Variants in GRIN2C observed in about 807,000 individuals in gnomAD.
GRIN2C encodes glutamate receptor ionotropic, NMDA 2C.
In GRIN2C, 64 loss-of-function variants were observed where a neutral mutation model predicts 77.7. The observed-to-expected ratio is 0.82, with a 90% CI of 0.67 to 1.01. GRIN2C has a LOEUF of 1.01. Among genes scored for constraint, GRIN2C ranks in the 50% least tolerant of loss-of-function variants. The probability of loss-of-function intolerance (pLI) is 0.00; values close to 1 mark genes in which losing one functional copy is unlikely to be tolerated. For missense variants in GRIN2C, 1,549 were observed against 1,486.0 expected (o/e 1.04, Z -0.70); for synonymous variants, 792 against 643.4 (o/e 1.23, Z -3.49).
At position 74,849,546 on chromosome 17, in the gene GRIN2C, G is replaced by C. The variant is rs552112330; in HGVS notation, c.1645+234C>G. On this transcript the variant is annotated intron_variant, in intron 7 of 12. Coordinates refer to ENST00000293190, the MANE Select transcript of GRIN2C (RefSeq NM_000835.6). This position sits in a 1 kb window ranked among gnomAD's most constrained non-coding sequence, Gnocchi z 4.6. Reference sequence around the variant, plus strand: ...TTCCTGCCACTCACAGTGGCACCACGACCCATCCCACACCCCCAACCCCAC... The same window carrying C: ...TTCCTGCCACTCACAGTGGCACCACCACCCATCCCACACCCCCAACCCCAC... 8.5e-5 allele frequency among the ~76,000 whole-genome samples: 13 copies of C among 152,124 alleles called. No individual in the cohort carries two copies. Among genetic ancestry groups the C allele is most frequent in the Non-Finnish European group, 1.5e-4 (10 of 67,980 alleles).
At position 74,844,484 on chromosome 17, in the gene GRIN2C, A is replaced by G. The variant is rs1172157704; in HGVS notation, c.2375T>C (p.Val792Ala). 6.2e-7 allele frequency: 1 copy of G among 1,614,040 alleles called. No homozygotes were observed. The highest frequency in any genetic ancestry group is 1.7e-5 in the Admixed American group (1 of 60,010). ...GDGETQKLETVWLSGICQNEK... is the reference protein window; with the variant it reads ...GDGETQKLETAWLSGICQNEK... ...ATTCTGGCAGATCCCTGAGAGCCAC[A>G]CTGTCTCCAGTTTCTGTGTCTCTCC... Residue 792 changes from valine to alanine, a missense_variant, in exon 12 of 13, where the codon GTG becomes GCG. Physicochemically the swap from Val to Ala is moderately conservative, Grantham distance 64. Around this residue, in one of 3 missense-constraint regions of GRIN2C, gnomAD observed 717 missense variants for 858.1 expected, o/e 0.84. Transcript: ENST00000293190.
At position 74,842,790 on chromosome 17, in the gene GRIN2C, CGCCTGCAGGCCGAGT is replaced by C. The variant is rs1460149608; in HGVS notation, c.3332_3346del (p.His1111_Arg1115del). 2 of 635,696 alleles carry C rather than the reference CGCCTGCAGGCCGAGT, an allele frequency of 3.1e-6. No homozygotes were observed. The allele number at this position is 635,696 out of a possible 1,614,324, so 39.4% of individuals were successfully genotyped here. A position where few individuals can be genotyped will look rare whatever the true frequency, so the allele number is the denominator to read the frequency against. On this transcript the variant is annotated inframe_deletion, in exon 13 of 13. Coordinates refer to ENST00000293190, the MANE Select transcript of GRIN2C (RefSeq NM_000835.6). ...GCACATCGACTGCGCCTGCGCCAAG[CGCCTGCAGGCCGAGT>C]GGCCGTCGGGGCGGGCGCAGGCGGG...
chr17:74,848,566 G>A (rs56188738), intron 7 of GRIN2C, among the ~76,000 whole-genome samples: 40,988 of 151,988 alleles, frequency 0.27, 5,715 homozygotes, highest in East Asian at 0.41. Context: ...CAGGCATGGT[G>A]ACACATGCCT....
intron 2 of GRIN2C, 61 bp downstream of exon 2, chr17:74,854,633 C>G (rs780081170): frequency 1.6e-5 from 23 of 1,463,432 alleles, no homozygotes; most frequent in East Asian, 2.3e-5. Flanking sequence ...AACCAAAGCA[C>G]CCCCGACCCC....
rs182747454 is a variant in GRIN2C at position 74,859,815 on chromosome 17, C to A, written c.-87G>T. The A allele has an allele frequency of 6.5e-6, 1 of 153,222 alleles. No homozygotes were observed. The highest frequency in any genetic ancestry group is 1.5e-5 in the Non-Finnish European group (1 of 68,298). The allele number at this position is 153,222 out of a possible 1,614,324, so 9.5% of individuals were successfully genotyped here. A position where few individuals can be genotyped will look rare whatever the true frequency, so the allele number is the denominator to read the frequency against. On this transcript the variant is annotated 5_prime_UTR_variant, in exon 1 of 13. Transcript: ENST00000293190. The surrounding 1 kb of genome is among the most constrained non-coding windows in gnomAD (Gnocchi z 5.9). ...TTCATAGGGAACGTGGCATCAGGCT[C>A]CCCCCGCGGGAGGAGGGGGCGCGAG...
chr17:74,847,238 G>C lies in GRIN2C; in HGVS notation c.2001+70C>G. 2.5e-6 allele frequency: 3 copies of C among 1,192,760 alleles called. No individual in the cohort carries two copies. In the East Asian group the frequency reaches 7.1e-5, roughly 28 times the overall value. The allele number at this position is 1,192,760 out of a possible 1,614,324, so 73.9% of individuals were successfully genotyped here. A position where few individuals can be genotyped will look rare whatever the true frequency, so the allele number is the denominator to read the frequency against. ...AATTCCCCAGACTCGACTGTCCAGG[G>C]CCTGCCCACTCACGGCCTGTCCCCA... On this transcript the variant is annotated intron_variant, in intron 9 of 12. Transcript: ENST00000293190. This position sits in a 1 kb window ranked among gnomAD's most constrained non-coding sequence, Gnocchi z 5.2.
rs750782221 is a variant in GRIN2C, at chr17:74,847,447, C to T, written c.1862G>A (p.Arg621Gln). Residue 621 changes from arginine to glutamine, a missense_variant, in exon 9 of 13, where the codon CGG becomes CAG. Physicochemically the swap from Arg to Gln is conservative, Grantham distance 43. Around this residue, in one of 3 missense-constraint regions of GRIN2C, gnomAD observed 717 missense variants for 858.1 expected, o/e 0.84. Coordinates refer to ENST00000293190, the MANE Select transcript of GRIN2C (RefSeq NM_000835.6). The surrounding 1 kb of genome is among the most constrained non-coding windows in gnomAD (Gnocchi z 5.2). ...FNNSVPIENP[R>Q]GTTSKIMVLV... is the part of the protein sequence containing the mutation. ...AACCATGATCTTGCTGGTGGTGCCC[C>T]GCGGGTTCTCGATGGGCACTGAGTT... 9.3e-6 allele frequency: 15 copies of T among 1,613,764 alleles called. No individual in the cohort carries two copies. Among genetic ancestry groups the T allele is most frequent in the Admixed American group, 3.3e-5 (2 of 60,012 alleles).
chr17:74,860,463 C>A (rs1263036271), upstream of GRIN2C: 2 of 456,742 alleles, frequency 4.4e-6, no homozygotes, highest in South Asian at 3.1e-5. Context: ...CAGCTCCTTG[C>A]AGGGTCGCGG....
upstream of GRIN2C, among the ~76,000 whole-genome samples, chr17:74,860,182 C>T (rs1290653136): frequency 2.0e-5 from 3 of 152,172 alleles, no homozygotes; most frequent in African/African-American, 4.8e-5. Context: ...TCTTATTCTT[C>T]GGGAGTTTAG....
Position 74,851,117 on chromosome 17 carries a change from T to C in GRIN2C, c.1114-350A>G, listed in dbSNP as rs191821048. ...CTAGCACCTCTTCCTGGTGGGCTCCTACTCAAACCTCCACAGCCCAGCTCA... is the reference window on the plus strand; with the variant it reads ...CTAGCACCTCTTCCTGGTGGGCTCCCACTCAAACCTCCACAGCCCAGCTCA... On this transcript the variant is annotated intron_variant, in intron 4 of 12. Transcript: ENST00000293190. 2.2e-5 allele frequency: 8 copies of C among 368,260 alleles called. No individual in the cohort carries two copies. In the East Asian group the frequency reaches 3.9e-4, roughly 18 times the overall value. 22.8% of individuals were successfully genotyped at this position (368,260 alleles called of 1,614,324 possible).
intron 2 of GRIN2C, chr17:74,854,181 C>A (rs1313428313): frequency 6.5e-6 from 1 of 153,268 alleles, no homozygotes; most frequent in African/African-American, 2.4e-5. Flanking sequence ...TCACAGCATC[C>A]TGTGTCTTTC....
chr17:74,847,718 T>A lies in GRIN2C; in HGVS notation c.1771+134A>T. ...TGTGTTTCTGTGTGTGTGTGTCATC[T>A]GACTGGCCCCCAGCATGTGCCATCC... is the stretch of plus-strand genomic sequence containing the variant. On this transcript the variant is annotated intron_variant, in intron 8 of 12. Coordinates refer to ENST00000293190, the MANE Select transcript of GRIN2C (RefSeq NM_000835.6). The surrounding 1 kb of genome is among the most constrained non-coding windows in gnomAD (Gnocchi z 5.2). The A allele has an allele frequency of 1.1e-6, 1 of 922,026 alleles. No individual in the cohort carries two copies. The highest frequency in any genetic ancestry group is 1.7e-6 in the Non-Finnish European group (1 of 596,478). The allele number at this position is 922,026 out of a possible 1,614,324, so 57.1% of individuals were successfully genotyped here. A position where few individuals can be genotyped will look rare whatever the true frequency, so the allele number is the denominator to read the frequency against.
chr17:74,842,192 T>C lies in GRIN2C; in HGVS notation c.*243A>G. 1 of 487,272 alleles carries C rather than the reference T, an allele frequency of 2.1e-6. No homozygotes were observed. The highest frequency in any genetic ancestry group is 3.6e-6 in the Non-Finnish European group (1 of 277,250). The allele number at this position is 487,272 out of a possible 1,614,324, so 30.2% of individuals were successfully genotyped here. On this transcript the variant is annotated 3_prime_UTR_variant, in exon 13 of 13. Transcript: ENST00000293190. ...CAGGGAAGGGAGAGCCTCAGGAGTC[T>C]GACCCCCACAGCACACCCTCCTGGC...
rs2037343149 is a variant in GRIN2C at position 74,843,005 on chromosome 17, C to T, written c.3132G>A (p.Pro1044=). The T allele has an allele frequency of 4.0e-6, 2 of 506,312 alleles. No individual in the cohort carries two copies. The highest frequency in any genetic ancestry group is 7.0e-6 in the Non-Finnish European group (2 of 285,244). 31.4% of individuals were successfully genotyped at this position (506,312 alleles called of 1,614,324 possible). Residue 1044 remains proline (P), a synonymous_variant, in exon 13 of 13, where the codon CCG becomes CCA. Coordinates refer to ENST00000293190, the MANE Select transcript of GRIN2C (RefSeq NM_000835.6). ...GCAGGTCCTCCAGCTCCGGGAAGAG[C>T]GGGAGGAAGGGGCGGCCGGATCGGT... ...RADRSGRPFL[P]LFPELEDLPL...
rs796233704 is a variant in GRIN2C, at chr17:74,850,607, C to T, written c.1274G>A (p.Gly425Asp). Residue 425 changes from glycine (G) to aspartate (D), a missense_variant, in exon 5 of 13, where the codon GGC becomes GAC. Physicochemically the swap from Gly to Asp is moderately conservative, Grantham distance 94 (BLOSUM62 -1). Around this residue, in one of 3 missense-constraint regions of GRIN2C, gnomAD observed 717 missense variants for 858.1 expected, o/e 0.84. Coordinates refer to ENST00000293190, the MANE Select transcript of GRIN2C (RefSeq NM_000835.6). This position sits in a 1 kb window ranked among gnomAD's most constrained non-coding sequence, Gnocchi z 5.3. ...IVESPDPGTG[G>D]CVPNTVPCRR... Reference sequence around the variant, plus strand: ...GCAGGGCACGGTGTTGGGGACACAGCCTCCTGTGCCAGGGTCAGGGCTCTC... The same window carrying T: ...GCAGGGCACGGTGTTGGGGACACAGTCTCCTGTGCCAGGGTCAGGGCTCTC... The T allele has an allele frequency of 3.7e-6, 6 of 1,613,538 alleles. No individual in the cohort carries two copies. Among genetic ancestry groups the T allele is most frequent in the Non-Finnish European group, 4.2e-6 (5 of 1,180,032 alleles).
Position 74,847,272 on chromosome 17 carries a change from G to GGCCCCCCCC in GRIN2C, c.2001+35_2001+36insGGGGGGGGC. 2 of 692,326 alleles carry GGCCCCCCCC rather than the reference G, an allele frequency of 2.9e-6. No homozygotes were observed. Among genetic ancestry groups the GGCCCCCCCC allele is most frequent in the South Asian group, 2.8e-5 (2 of 70,328 alleles). 42.9% of individuals were successfully genotyped at this position (692,326 alleles called of 1,614,324 possible). ...CTCACGGCCTGTCCCCACCCTCAGT[G>GGCCCCCCCC]CCCCCCCCCACCCCCAGCAGCTATG... is the stretch of plus-strand genomic sequence containing the variant. On this transcript the variant is annotated intron_variant, in intron 9 of 12. Transcript: ENST00000293190. The surrounding 1 kb of genome is among the most constrained non-coding windows in gnomAD (Gnocchi z 5.2).
In GRIN2C at chr17:74,842,510, C is replaced by G; in HGVS notation, c.3627G>C (p.Arg1209Ser). Reference sequence around the variant, plus strand: ...GGAAGCCTTGCGTCCCACGGGCTACCCTGCTGATCTCGTCCAGTCCCCCAC... The same window carrying G: ...GGAAGCCTTGCGTCCCACGGGCTACGCTGCTGATCTCGTCCAGTCCCCCAC... ...RDSGGLDEIS[R>S]VARGTQGFPG... Residue 1209 changes from arginine (R) to serine (S), a missense_variant, in exon 13 of 13, where the codon AGG becomes AGC. Physicochemically the swap from Arg to Ser is moderately radical, Grantham distance 110. Coordinates refer to ENST00000293190, the MANE Select transcript of GRIN2C (RefSeq NM_000835.6). 2.6e-6 allele frequency: 2 copies of G among 778,424 alleles called. No individual in the cohort carries two copies. Among genetic ancestry groups the G allele is most frequent in the Non-Finnish European group, 2.4e-6 (1 of 417,370 alleles). The allele number at this position is 778,424 out of a possible 1,614,324, so 48.2% of individuals were successfully genotyped here.
Position 74,843,468 on chromosome 17 carries a change from T to A in GRIN2C, c.2669A>T (p.Gln890Leu). The change falls in exon 13 of 13, where the codon CAG becomes CTG. Residue 890 changes from glutamine to leucine, a missense_variant. Physicochemically the swap from Gln to Leu is moderately radical, Grantham distance 113. Around this residue, in one of 3 missense-constraint regions of GRIN2C, gnomAD observed 450 missense variants for 267.9 expected, o/e 1.68. Transcript: ENST00000293190. ...CTGCAGCATCTTGAGCACGCTGGCCTGGGCCGAGCTGGCCGTGAGGTCCGG... is the reference window on the plus strand; with the variant it reads ...CTGCAGCATCTTGAGCACGCTGGCCAGGGCCGAGCTGGCCGTGAGGTCCGG... Reference protein sequence around the residue: ...ASPDLTASSAQASVLKMLQAA... With the variant: ...ASPDLTASSALASVLKMLQAA... 6.5e-7 allele frequency: 1 copy of A among 1,534,404 alleles called. No individual in the cohort carries two copies. The highest frequency in any genetic ancestry group is 8.7e-7 in the Non-Finnish European group (1 of 1,146,326).
At chr17:74,851,951 C>T in intron 3 of GRIN2C, 62 bp downstream of exon 3, 2 of 1,317,604 alleles carry the variant, frequency 1.5e-6, no homozygotes. Flanking sequence ...AAACTCACTG[C>T]CAGCCAGCTC....
Sources: allele counts gnomAD v4.1 joint callset (sites outside exome capture counted in the v4.1 genomes callset), GRCh38; gene constraint gnomAD v4.1.1; regional missense constraint gnomAD v4.1.1; non-coding constraint Gnocchi (gnomAD v3.1); transcripts MANE v1.5; gene names NCBI Gene and HGNC (gene_info 2026-07-23, HGNC 2026-07-21).